The following XXYLT1 variants were observed in gnomAD, a reference collection of about 807,000 sequenced individuals.
The protein encoded by XXYLT1 is xyloside xylosyltransferase 1, also known as UDP-xylose:alpha-xyloside alpha-1,3-xylosyltransferase.
In XXYLT1, 20 loss-of-function variants were observed where a neutral mutation model predicts 28.9. The observed-to-expected ratio is 0.69, with a 90% CI of 0.49 to 1.00. The LOEUF is 1.00. Ranked by LOEUF, XXYLT1 falls within the 50% of genes least tolerant of loss-of-function variation. XXYLT1 has a pLI of 0.00. For synonymous variants in XXYLT1, 257 were observed against 253.8 expected (o/e 1.01, Z -0.12); for missense variants, 542 against 560.1 (o/e 0.97, Z 0.33).
At position 195,124,141 on chromosome 3, in the gene XXYLT1, T is replaced by G. The variant is rs1718501259; in HGVS notation, c.785+32308A>C. 6.6e-6 allele frequency among the ~76,000 whole-genome samples: 1 copy of G among 152,214 alleles called. No homozygotes were observed. The highest frequency in any genetic ancestry group is 2.1e-4 in the South Asian group (1 of 4,832). On this transcript the variant is annotated intron_variant, in intron 3 of 3. Transcript: ENST00000310380. The surrounding 1 kb of genome is among the most constrained non-coding windows in gnomAD (Gnocchi z 4.1). Reference sequence around the variant, plus strand: ...TCCAGGACACATTCTGGGATTGGTGTTCCATGGAACTCACCTCGAGAAGTG... The same window carrying G: ...TCCAGGACACATTCTGGGATTGGTGGTCCATGGAACTCACCTCGAGAAGTG...
intron 1 of XXYLT1, among the ~76,000 whole-genome samples, chr3:195,263,900 G>C (rs1398877282): frequency 6.6e-6 from 1 of 152,202 alleles, no homozygotes; most frequent in African/African-American, 2.4e-5. Context: ...GCCAGAAACA[G>C]TGCTGAGACT....
intron 3 of XXYLT1, among the ~76,000 whole-genome samples, chr3:195,155,984 G>C (rs1268271989): frequency 6.6e-6 from 1 of 152,142 alleles, no homozygotes; most frequent in Non-Finnish European, 1.5e-5. Flanking sequence ...TGCGGAATGC[G>C]CTTCTTCGTG....
At chr3:195,099,124 G>A (rs1319328467) in intron 3 of XXYLT1, among the ~76,000 whole-genome samples, 1 of 149,180 alleles carries the variant, frequency 6.7e-6, no homozygotes, top group Non-Finnish European at 1.5e-5. Flanking sequence ...GGACATGGCA[G>A]ACAGACACCG....
At chr3:195,162,879 C>T (rs1268269725) in intron 2 of XXYLT1, among the ~76,000 whole-genome samples, 2 of 152,172 alleles carry the variant, frequency 1.3e-5, no homozygotes, top group Non-Finnish European at 2.9e-5. Flanking sequence ...GTTCAATACA[C>T]AGGGGAAATG....
At chr3:195,227,853 C>T (rs1724121985) in intron 1 of XXYLT1, among the ~76,000 whole-genome samples, 1 of 152,226 alleles carries the variant, frequency 6.6e-6, no homozygotes, top group Non-Finnish European at 1.5e-5. Context: ...AGAGTACTAA[C>T]GCGATCCTGA....
intron 1 of XXYLT1, chr3:195,259,579 C>T (rs1248760247): frequency 6.1e-6 from 6 of 985,344 alleles, no homozygotes; most frequent in Admixed American, 1.2e-4. Context: ...GCCCCAGGTA[C>T]AGGCCTGGGA....
At chr3:195,088,402 G>A (rs1319004243) in intron 3 of XXYLT1, among the ~76,000 whole-genome samples, 1 of 146,320 alleles carries the variant, frequency 6.8e-6, no homozygotes, top group Non-Finnish European at 1.5e-5. Context: ...GCCTAACTGG[G>A]AGGCACCCCC....
chr3:195,241,338 G>T (rs1306736401), intron 1 of XXYLT1, among the ~76,000 whole-genome samples: 1 of 152,178 alleles, frequency 6.6e-6, no homozygotes, highest in Non-Finnish European at 1.5e-5. Context: ...GCTATTCTGT[G>T]TCCTGATTTT....
At chr3:195,120,957 CT>C (rs1282253549) in intron 3 of XXYLT1, among the ~76,000 whole-genome samples, 1 of 152,214 alleles carries the variant, frequency 6.6e-6, no homozygotes, top group Admixed American at 6.5e-5. Flanking sequence ...GTTCCCCTAC[CT>C]CCCTGGGGCT....
At chr3:195,104,198 C>T (rs1716961680) in intron 3 of XXYLT1, among the ~76,000 whole-genome samples, 1 of 141,978 alleles carries the variant, frequency 7.0e-6, no homozygotes, top group Admixed American at 6.9e-5. Flanking sequence ...ATGAGGGCTC[C>T]GTGTGTGTGT....
At chr3:195,160,074 A>G (rs1236774666) in intron 2 of XXYLT1, among the ~76,000 whole-genome samples, 1 of 145,090 alleles carries the variant, frequency 6.9e-6, no homozygotes, top group African/African-American at 2.5e-5. Flanking sequence ...CCCAAAAATA[A>G]ACAAGAAAAG....
chr3:195,252,683 GAAA>G (rs1725302527), intron 1 of XXYLT1, among the ~76,000 whole-genome samples: 1 of 58,846 alleles, frequency 1.7e-5, no homozygotes, highest in Non-Finnish European at 3.6e-5. Context: ...TTCAAAAGAA[GAAA>G]AAAAACCACA....
At chr3:195,269,446 A>G (rs1452621804) in intron 1 of XXYLT1, among the ~76,000 whole-genome samples, 2 of 152,228 alleles carry the variant, frequency 1.3e-5, no homozygotes, top group East Asian at 3.8e-4. Context: ...GTGGGCAGAC[A>G]GTACAGCATG....
intron 3 of XXYLT1, among the ~76,000 whole-genome samples, chr3:195,090,966 G>A (rs183725907): frequency 6.6e-6 from 1 of 151,646 alleles, no homozygotes; most frequent in African/African-American, 2.4e-5. Context: ...ACTCTCCCAA[G>A]ACTAAACCAG....
intron 2 of XXYLT1, among the ~76,000 whole-genome samples, chr3:195,218,748 T>C (rs1241763634): frequency 2.7e-5 from 4 of 150,512 alleles, no homozygotes; most frequent in Non-Finnish European, 4.5e-5. Flanking sequence ...ATTGTGGAAG[T>C]CAGTGTGGCG....
chr3:195,218,666 C>T (rs1416365289), intron 2 of XXYLT1, among the ~76,000 whole-genome samples: 8 of 152,170 alleles, frequency 5.3e-5, no homozygotes, highest in Admixed American at 3.9e-4. Flanking sequence ...CAGGAAACAA[C>T]AGGTGCTGGA....
intron 2 of XXYLT1, among the ~76,000 whole-genome samples, chr3:195,208,790 A>C (rs1042932945): frequency 6.6e-6 from 1 of 152,026 alleles, no homozygotes; most frequent in African/African-American, 2.4e-5. Flanking sequence ...GAGCGAGGTG[A>C]GGGAAAAGGA....
chr3:195,107,835 C>G (rs1717238790), intron 3 of XXYLT1, among the ~76,000 whole-genome samples: 1 of 151,994 alleles, frequency 6.6e-6, no homozygotes, highest in Non-Finnish European at 1.5e-5. Context: ...CACCTCCTTT[C>G]TTAAATGAGG....
chr3:195,207,303 T>C (rs1156343274), intron 2 of XXYLT1: 4 of 360,180 alleles, frequency 1.1e-5, no homozygotes, highest in Non-Finnish European at 2.2e-5. Context: ...CTCAGCTACA[T>C]CAGAGATGCC....
Sources: allele counts gnomAD v4.1 joint callset (sites outside exome capture counted in the v4.1 genomes callset), GRCh38; gene constraint gnomAD v4.1.1; non-coding constraint Gnocchi (gnomAD v3.1); transcripts MANE v1.5; gene names NCBI Gene and HGNC (gene_info 2026-07-23, HGNC 2026-07-21).